The following APC variants were observed in gnomAD, a reference collection of about 807,000 sequenced individuals.
APC encodes APC regulator of Wnt signaling pathway.
A neutral mutation model predicts 247.0 loss-of-function variants in APC; 72 were observed. That is an observed-to-expected ratio of 0.29 (90% CI 0.24 to 0.35). APC has a LOEUF of 0.35. Among genes scored for constraint, APC ranks in the 10% least tolerant of loss-of-function variants. APC has a pLI of 1.00. For missense variants in APC, 3,400 were observed against 3,360.7 expected (o/e 1.01, Z -0.29); for synonymous variants, 1,254 against 1,162.5 (o/e 1.08, Z -1.60).
Position 112,817,133 on chromosome 5 carries a change from G to A in APC, c.933+1540G>A, listed in dbSNP as rs78924999. Among the ~76,000 whole-genome samples, 429 of 152,246 alleles carry A rather than the reference G, an allele frequency of 2.8e-3. 10 individuals carry two copies. In the East Asian group the frequency reaches 0.048, roughly 17 times the overall value. On this transcript the variant is annotated intron_variant, in intron 9 of 15. Transcript: ENST00000257430. ...GATGCGCTCATCTCTGCCTCCCAAA[G>A]TGCTGGGATTAGAGGCATGAGTGAC...
chr5:112,779,336 A>C (rs947377319), intron 5 of APC, among the ~76,000 whole-genome samples: 1 of 152,222 alleles, frequency 6.6e-6, no homozygotes, highest in Non-Finnish European at 1.5e-5. Flanking sequence ...AGTCAGGTTC[A>C]GGAAAGAGCT....
At chr5:112,719,132 T>A (rs1561402624) in intron 1 of APC, among the ~76,000 whole-genome samples, 1 of 152,226 alleles carries the variant, frequency 6.6e-6, no homozygotes, top group South Asian at 2.1e-4. Context: ...GAGAATGTAC[T>A]AAACTGAGGA....
chr5:112,826,236 TTTTC>T (rs1268132910), intron 11 of APC, among the ~76,000 whole-genome samples: 2 of 152,246 alleles, frequency 1.3e-5, no homozygotes, highest in African/African-American at 4.8e-5. Flanking sequence ...ATATTCATCT[TTTTC>T]TTTCTGAGTC....
At chr5:112,732,690 G>A (rs1752159612) in intron 1 of APC, among the ~76,000 whole-genome samples, 1 of 152,106 alleles carries the variant, frequency 6.6e-6, no homozygotes, top group South Asian at 2.1e-4. Flanking sequence ...CTCTTCCCTT[G>A]GGATTTTAAT....
intron 6 of APC, among the ~76,000 whole-genome samples, chr5:112,788,580 T>A (rs1199601483): frequency 2.0e-5 from 3 of 152,174 alleles, no homozygotes; most frequent in Non-Finnish European, 4.4e-5. Context: ...TGGCACATAG[T>A]AAGCAAATTA....
chr5:112,775,596 T>G, intron 4 of APC, 33 bp from the exon 5 acceptor site: 2 of 1,361,190 alleles, frequency 1.5e-6, no homozygotes, highest in Non-Finnish European at 2.1e-6. Context: ...TAGCATTGTT[T>G]AAACGTACCT....
rs1042294055 is a variant in APC, at chr5:112,803,384, C to T, written c.834+2001C>T. On this transcript the variant is annotated intron_variant, in intron 8 of 15. Transcript: ENST00000257430. Reference sequence around the variant, plus strand: ...AGAAATAACCTAAATGGACATTGATCGTAAAATGGTTAAATTATTAGTCAG... The same window carrying T: ...AGAAATAACCTAAATGGACATTGATTGTAAAATGGTTAAATTATTAGTCAG... Among the ~76,000 whole-genome samples the T allele has an allele frequency of 1.7e-4, 26 of 152,198 alleles. 1 individual carries two copies. Among genetic ancestry groups the T allele is most frequent in the Admixed American group, 7.9e-4 (12 of 15,284 alleles).
chr5:112,813,454 A>G (rs764481241), intron 8 of APC, among the ~76,000 whole-genome samples: 1 of 152,170 alleles, frequency 6.6e-6, no homozygotes, highest in African/African-American at 2.4e-5. Flanking sequence ...TGAACAAGGA[A>G]TTTATTACGA....
At chr5:112,719,501 G>T (rs949333250) in intron 1 of APC, among the ~76,000 whole-genome samples, 2 of 150,310 alleles carry the variant, frequency 1.3e-5, no homozygotes, top group African/African-American at 2.5e-5. Context: ...GGGATTACAG[G>T]TGTGAGCCAC....
At chr5:112,805,928 G>A (rs1361861640) in intron 8 of APC, among the ~76,000 whole-genome samples, 1 of 152,122 alleles carries the variant, frequency 6.6e-6, no homozygotes, top group Non-Finnish European at 1.5e-5. Flanking sequence ...TTAGAAAAAT[G>A]ATAACCATTT....
At chr5:112,792,142 A>C (rs1418647793) in intron 6 of APC, among the ~76,000 whole-genome samples, 1 of 152,126 alleles carries the variant, frequency 6.6e-6, no homozygotes, top group African/African-American at 2.4e-5. Context: ...GCTACTCGGG[A>C]GCCTGAGGCA....
chr5:112,750,354 T>G (rs1453904288), intron 1 of APC, among the ~76,000 whole-genome samples: 2 of 152,184 alleles, frequency 1.3e-5, no homozygotes, highest in African/African-American at 4.8e-5. Flanking sequence ...AAGCAGTGAC[T>G]GTATTTTTGT....
rs2149875294 is a variant in APC, at chr5:112,838,282, C to T, written c.2688C>T (p.Ala896=). Residue 896 remains alanine (A), a synonymous_variant, in exon 16 of 16, where the codon GCC becomes GCT. Coordinates refer to ENST00000257430, the MANE Select transcript of APC (RefSeq NM_000038.6). The part of the protein sequence containing the change: ...QIAKVMEEVS[A]IHTSQEDRSS... The stretch of plus-strand genomic sequence containing the variant: ...CCAAAGTCATGGAAGAAGTGTCAGC[C>T]ATTCATACCTCTCAGGAAGACAGAA... 6.2e-7 allele frequency: 1 copy of T among 1,614,224 alleles called. No individual in the cohort carries two copies. The highest frequency in any genetic ancestry group is 8.5e-7 in the Non-Finnish European group (1 of 1,180,042).
At chr5:112,820,392 G>A (rs935186198) in intron 10 of APC, among the ~76,000 whole-genome samples, 6 of 152,210 alleles carry the variant, frequency 3.9e-5, no homozygotes, top group African/African-American at 9.6e-5. Flanking sequence ...GTTCATGCCT[G>A]TAATGGCAGC....
At chr5:112,826,097 T>C (rs756505478) in intron 11 of APC, among the ~76,000 whole-genome samples, 1 of 152,216 alleles carries the variant, frequency 6.6e-6, no homozygotes, top group Non-Finnish European at 1.5e-5. Flanking sequence ...GACAGAACTT[T>C]GTTTTACAAA....
chr5:112,724,976 A>ATTTTTATTTTATTTT (rs996930889), intron 1 of APC, among the ~76,000 whole-genome samples: 2 of 151,938 alleles, frequency 1.3e-5, no homozygotes, highest in African/African-American at 4.8e-5. Context: ...CAATTAACAG[A>ATTTTTATTTTATTTT]TTTTTATTTT....
At chr5:112,725,370 G>A (rs1217388347) in intron 1 of APC, among the ~76,000 whole-genome samples, 14 of 152,198 alleles carry the variant, frequency 9.2e-5, no homozygotes, top group Admixed American at 9.2e-4. Flanking sequence ...ACTCGGTTCT[G>A]TTCCCCAGAG....
chr5:112,725,418 T>TA (rs1437728337), intron 1 of APC, among the ~76,000 whole-genome samples: 6 of 152,120 alleles, frequency 3.9e-5, no homozygotes, highest in Non-Finnish European at 8.8e-5. Flanking sequence ...AAGCAGCATA[T>TA]TCTTAATATC....
chr5:112,722,087 T>G (rs1751512840), intron 1 of APC, among the ~76,000 whole-genome samples: 1 of 152,144 alleles, frequency 6.6e-6, no homozygotes, highest in Non-Finnish European at 1.5e-5. Context: ...GCACAGAAAG[T>G]GGTGTCATCT....
Sources: gnomAD v4.1 joint callset for allele counts (sites outside exome capture counted in the v4.1 genomes callset) on GRCh38, gnomAD v4.1.1 for gene constraint, MANE v1.5 for transcripts, NCBI Gene and HGNC (gene_info 2026-07-23, HGNC 2026-07-21) for gene names.